NEMP1: variants seen among roughly 807,000 people sequenced by gnomAD.
The protein encoded by NEMP1 is nuclear envelope integral membrane protein 1.
A neutral mutation model predicts 53.7 loss-of-function variants in NEMP1; 29 were observed. The observed-to-expected ratio is 0.54, with a 90% CI of 0.40 to 0.74. The LOEUF is 0.74. NEMP1 is among the 30% of genes least tolerant of loss of function. The pLI is 0.00. For missense variants in NEMP1, 477 were observed against 528.6 expected (o/e 0.90, Z 0.96); for synonymous variants, 193 against 192.9 (o/e 1.00, Z 0.00).
In NEMP1 at chr12:57,072,841, A is replaced by G. The variant is rs2032416565; in HGVS notation, c.199T>C (p.Cys67Arg). The G allele has an allele frequency of 6.2e-7, 1 of 1,613,820 alleles. No individual in the cohort carries two copies. The highest frequency in any genetic ancestry group is 8.5e-7 in the Non-Finnish European group (1 of 1,179,838). ...VCEKRASQQF[C>R]YTNVLIPKWH... ...TTTGGGATAAGCACATTTGTGTAAC[A>G]GAATTGTTGGCTGGCACGCTTTTCA... The change falls in exon 2 of 9, where the codon TGT becomes CGT. Residue 67 changes from cysteine to arginine, a missense_variant. Cys to Arg is a radical substitution (Grantham distance 180, BLOSUM62 -3). Transcript: ENST00000300128.
At chr12:57,078,508 T>A in intron 1 of NEMP1, 111 bp downstream of exon 1, 1 of 1,410,128 alleles carries the variant, frequency 7.1e-7, no homozygotes, top group Non-Finnish European at 9.5e-7. Context: ...CGGCCCTCGG[T>A]AGAGCCACCG....
intron 2 of NEMP1, 56 bp from the exon 3 acceptor site, chr12:57,070,949 CACAAAT>C (rs1272759251): frequency 2.7e-6 from 4 of 1,458,252 alleles, no homozygotes; most frequent in Non-Finnish European, 2.8e-6. Context: ...TTTAATTTTT[CACAAAT>C]ACAATTTTTT....
upstream of NEMP1, among the ~76,000 whole-genome samples, chr12:57,088,528 G>A (rs1219907572): frequency 5.9e-5 from 9 of 152,210 alleles, no homozygotes; most frequent in African/African-American, 2.2e-4. Flanking sequence ...ACATTCACAC[G>A]TCCAGCACCA....
At chr12:57,069,757 C>G (rs1330853943) in intron 3 of NEMP1, among the ~76,000 whole-genome samples, 1 of 151,360 alleles carries the variant, frequency 6.6e-6, no homozygotes, top group African/African-American at 2.4e-5. Flanking sequence ...CCACCTACTT[C>G]CCTTTGCTAC....
upstream of NEMP1, among the ~76,000 whole-genome samples, chr12:57,083,360 A>C (rs1479554018): frequency 6.6e-6 from 1 of 152,258 alleles, no homozygotes; most frequent in African/African-American, 2.4e-5. Flanking sequence ...TAATGAGGAC[A>C]CTGCTCAAAA....
At chr12:57,075,793 C>A (rs1400578057) in intron 1 of NEMP1, among the ~76,000 whole-genome samples, 2 of 151,384 alleles carry the variant, frequency 1.3e-5, no homozygotes, top group East Asian at 3.9e-4. Flanking sequence ...ATGGCGAAAT[C>A]CCACTCTACT....
Position 57,063,269 on chromosome 12 carries a change from A to G in NEMP1, c.830T>C (p.Ile277Thr). Reference sequence around the variant, plus strand: ...CTGCAAGGTCCAGGTCAGCAGGTTGATACTTCGTTCATTCTCCAAGGGCCC... The same window carrying G: ...CTGCAAGGTCCAGGTCAGCAGGTTGGTACTTCGTTCATTCTCCAAGGGCCC... ...KYGPLENERSINLLTWTLQLM... is the reference protein window; with the variant it reads ...KYGPLENERSTNLLTWTLQLM... Residue 277 changes from isoleucine (I) to threonine (T), a missense_variant, in exon 7 of 9, where the codon ATC (isoleucine) becomes ACC (threonine). Transcript: ENST00000300128. 1 of 1,614,230 alleles carries G rather than the reference A, an allele frequency of 6.2e-7. No individual in the cohort carries two copies. Among genetic ancestry groups the G allele is most frequent in the Non-Finnish European group, 8.5e-7 (1 of 1,180,044 alleles).
At chr12:57,085,898 G>T (rs2136533024) in intron 1 of NEMP1, among the ~76,000 whole-genome samples, 1 of 152,344 alleles carries the variant, frequency 6.6e-6, no homozygotes, top group Admixed American at 6.5e-5. Flanking sequence ...CCCTTTCAAA[G>T]TTGCACAGGC....
chr12:57,065,297 G>T (rs920407807), intron 4 of NEMP1, among the ~76,000 whole-genome samples: 8 of 152,178 alleles, frequency 5.3e-5, no homozygotes, highest in Admixed American at 5.2e-4. Context: ...CAAAACTGGA[G>T]TCAATCCTCC....
chr12:57,085,315 G>A (rs965951673), intron 1 of NEMP1, among the ~76,000 whole-genome samples: 3 of 152,132 alleles, frequency 2.0e-5, no homozygotes, highest in Non-Finnish European at 4.4e-5. Context: ...GAAGTGCTAT[G>A]ATTACAGGTG....
rs1555171613 is a variant in NEMP1, at chr12:57,076,964, C to CA, written c.127+1654_127+1655insT. On this transcript the variant is annotated intron_variant, in intron 1 of 8. Transcript: ENST00000300128. ...ACTACATTCTGCGGGGCGGGGCGGG[C>CA]GGGGGGTGGAGAAAAAAAATTAAAT... 1.0e-3 allele frequency among the ~76,000 whole-genome samples: 12 copies of CA among 11,584 alleles called. No homozygotes were observed. The East Asian group carries it at 0.013, about 13-fold the overall frequency. 7.6% of individuals were successfully genotyped at this position (11,584 alleles called of 152,430 possible). A position where few individuals can be genotyped will look rare whatever the true frequency, so the allele number is the denominator to read the frequency against.
At chr12:57,088,362 A>C (rs1481646244), upstream of NEMP1, among the ~76,000 whole-genome samples, 2 of 152,066 alleles carry the variant, frequency 1.3e-5, no homozygotes, top group African/African-American at 4.8e-5. Context: ...AGATTATTCC[A>C]TTGGGGCTGA....
At chr12:57,063,029 A>T in intron 7 of NEMP1, 90 bp downstream of exon 7, 1 of 957,918 alleles carries the variant, frequency 1.0e-6, no homozygotes, top group South Asian at 1.6e-5. Flanking sequence ...TTAACAAAGA[A>T]GCTCCCAGGT....
At chr12:57,088,579 T>C (rs1174655176), upstream of NEMP1, among the ~76,000 whole-genome samples, 1 of 152,218 alleles carries the variant, frequency 6.6e-6, no homozygotes, top group Non-Finnish European at 1.5e-5. Context: ...CGTAGTTGTT[T>C]AGGCGCGTGT....
intron 6 of NEMP1, 145 bp downstream of exon 6, chr12:57,063,926 A>G: frequency 3.7e-6 from 2 of 539,742 alleles, no homozygotes; most frequent in Non-Finnish European, 6.5e-6. Flanking sequence ...AGGGATTAGA[A>G]ATAAGTGAAA....
Position 57,064,064 on chromosome 12 carries a change from C to T in NEMP1, c.754+7G>A, listed in dbSNP as rs780612517. On this transcript the variant is annotated splice_region_variant and intron_variant, in intron 6 of 8. Coordinates refer to ENST00000300128, the MANE Select transcript of NEMP1 (RefSeq NM_001130963.2). ...TACAAAAGGAAAGCAAAACCGACAA[C>T]ACTTACTTAAAAGATACTGCCAGTA... 88 of 1,551,300 alleles carry T rather than the reference C, an allele frequency of 5.7e-5. No homozygotes were observed. Among genetic ancestry groups the T allele is most frequent in the Non-Finnish European group, 7.0e-5 (79 of 1,131,658 alleles).
chr12:57,068,439 C>T (rs2032197574), intron 4 of NEMP1, among the ~76,000 whole-genome samples: 1 of 152,002 alleles, frequency 6.6e-6, no homozygotes, highest in South Asian at 2.1e-4. Context: ...GCAACCTCCG[C>T]CTCCAGGCTC....
At chr12:57,063,949 T>A (rs2031944730) in intron 6 of NEMP1, 122 bp downstream of exon 6, 1 of 595,232 alleles carries the variant, frequency 1.7e-6, no homozygotes, top group African/African-American at 2.0e-5. Flanking sequence ...CTATGATTTT[T>A]AAAAGTTTAA....
Position 57,060,836 on chromosome 12 carries a change from C to A in NEMP1, c.1090G>T (p.Glu364Ter). 2 of 1,614,150 alleles carry A rather than the reference C, an allele frequency of 1.2e-6. No individual in the cohort carries two copies. Among genetic ancestry groups the A allele is most frequent in the Non-Finnish European group, 1.7e-6 (2 of 1,180,016 alleles). Residue 364 changes from glutamate to a stop codon, truncating the protein, a stop_gained, in exon 8 of 9, where the codon GAA becomes TAA. Coordinates refer to ENST00000300128, the MANE Select transcript of NEMP1 (RefSeq NM_001130963.2). LOFTEE classifies it high-confidence loss of function. ...GAGCAGTCTGGACTGTTACAAAATT[C>A]TCGGAGCTCCTCTAAAGCCTTTCGG... ...ETRKALEELR[E>*]FCNSPDCSAW...
Sources: gnomAD v4.1 joint callset for allele counts (sites outside exome capture counted in the v4.1 genomes callset) on GRCh38, gnomAD v4.1.1 for gene constraint, MANE v1.5 for transcripts, NCBI Gene and HGNC (gene_info 2026-07-23, HGNC 2026-07-21) for gene names.